Variants in TYR observed in about 807,000 individuals in gnomAD.
The protein encoded by TYR is tyrosinase.
A neutral mutation model predicts 51.5 loss-of-function variants in TYR; 58 were observed. The observed-to-expected ratio is 1.13, with a 90% CI of 0.91 to 1.40. The LOEUF is 1.40. Ranked by LOEUF, TYR falls within the 40% of genes most tolerant of loss-of-function variation. TYR has a pLI of 0.00. For synonymous variants in TYR, 263 were observed against 235.2 expected, an observed-to-expected ratio of 1.12 and a Z score of -1.08; for missense variants, 732 against 647.4, an observed-to-expected ratio of 1.13 and a Z score of -1.42.
chr11:89,228,097 G>A, intron 3 of TYR, 127 bp downstream of exon 3: 1 of 1,191,620 alleles, frequency 8.4e-7, no homozygotes, highest in Non-Finnish European at 1.2e-6. Flanking sequence ...TGATCAGGTT[G>A]TCACCAAAAC....
At chr11:89,257,387 G>T (rs1944406276) in intron 3 of TYR, among the ~76,000 whole-genome samples, 1 of 151,904 alleles carries the variant, frequency 6.6e-6, no homozygotes, top group African/African-American at 2.4e-5. Context: ...CTATCTTCAT[G>T]AAGAGGTAAC....
rs1565406929 is a variant in TYR at position 89,233,120 on chromosome 11, A to G, written c.1184+5150A>G. On this transcript the variant is annotated intron_variant, in intron 3 of 4. Coordinates refer to ENST00000263321, the MANE Select transcript of TYR (RefSeq NM_000372.5). ...CTGAAAGCCTGCTGCTGCTTTATCA[A>G]CTAGGTTTATCTGATATACTAAATA... Among the ~76,000 whole-genome samples, 3 of 143,868 alleles carry G rather than the reference A, an allele frequency of 2.1e-5. 1 individual carries two copies. 94.4% of individuals were successfully genotyped at this position (143,868 alleles called of 152,430 possible). A position where few individuals can be genotyped will look rare whatever the true frequency, so the allele number is the denominator to read the frequency against.
At position 89,178,158 on chromosome 11, in the gene TYR, T is replaced by C. The variant is rs768790960; in HGVS notation, c.205T>C (p.Phe69Leu). 1 of 1,614,206 alleles carries C rather than the reference T, an allele frequency of 6.2e-7. No homozygotes were observed. Among genetic ancestry groups the C allele is most frequent in the Non-Finnish European group, 8.5e-7 (1 of 1,180,036 alleles). ...GTCCAATGCACCACTTGGGCCTCAA[T>C]TTCCCTTCACAGGGGTGGATGACCG... is the stretch of plus-strand genomic sequence containing the variant. ...LLSNAPLGPQFPFTGVDDRES... is the reference protein window; with the variant it reads ...LLSNAPLGPQLPFTGVDDRES... Residue 69 changes from phenylalanine to leucine, a missense_variant, in exon 1 of 5, where the codon TTT becomes CTT. Phe to Leu is a conservative substitution (Grantham distance 22). Coordinates refer to ENST00000263321, the MANE Select transcript of TYR (RefSeq NM_000372.5).
intron 3 of TYR, among the ~76,000 whole-genome samples, chr11:89,242,201 T>C (rs1170976350): frequency 1.3e-5 from 2 of 152,100 alleles, no homozygotes; most frequent in African/African-American, 4.8e-5. Context: ...TTTTGGGTTA[T>C]CTTTGTTTGT....
At chr11:89,224,528 T>C (rs1943953299) in intron 2 of TYR, among the ~76,000 whole-genome samples, 1 of 152,138 alleles carries the variant, frequency 6.6e-6, no homozygotes, top group Non-Finnish European at 1.5e-5. Context: ...TTCTAAGGGG[T>C]ACATGGTGCA....
rs1944765423 is a variant in TYR at position 89,284,934 on chromosome 11, A to G, written c.1346A>G (p.Tyr449Cys). ...FISSKDLGYD[Y>C]SYLQDSDPDS... ...TCATCCAAAGATCTGGGCTATGACT[A>G]TAGCTATCTACAAGATTCAGGTAAA... The change falls in exon 4 of 5, where the codon TAT becomes TGT. Residue 449 changes from tyrosine (Y) to cysteine (C), a missense_variant. By Grantham distance (194) the Tyr-to-Cys change is radical. Transcript: ENST00000263321. 4 of 1,611,442 alleles carry G rather than the reference A, an allele frequency of 2.5e-6. No homozygotes were observed. Among genetic ancestry groups the G allele is most frequent in the Admixed American group, 1.7e-5 (1 of 59,780 alleles).
intron 3 of TYR, among the ~76,000 whole-genome samples, chr11:89,234,188 T>C (rs1340694561): frequency 7.0e-6 from 1 of 143,756 alleles, no homozygotes; most frequent in Non-Finnish European, 1.5e-5. Context: ...TTCTCTTTCC[T>C]TAAATCTTGT....
At chr11:89,292,304 C>G (rs1944860756) in intron 4 of TYR, among the ~76,000 whole-genome samples, 1 of 152,060 alleles carries the variant, frequency 6.6e-6, no homozygotes, top group East Asian at 1.9e-4. Flanking sequence ...ATACCAGATT[C>G]TAGAATTATA....
chr11:89,205,034 GA>G (rs1190505140), intron 2 of TYR, among the ~76,000 whole-genome samples: 1 of 151,682 alleles, frequency 6.6e-6, no homozygotes, highest in Non-Finnish European at 1.5e-5. Flanking sequence ...TGAAACAAAT[GA>G]AAAAAATAGA....
intron 2 of TYR, among the ~76,000 whole-genome samples, chr11:89,209,743 C>T (rs1943726431): frequency 6.6e-6 from 1 of 152,244 alleles, no homozygotes; most frequent in South Asian, 2.1e-4. Flanking sequence ...AGGTGCCCCT[C>T]TGGGACGAAG....
Position 89,227,124 on chromosome 11 carries a change from C to T in TYR, c.1037-699C>T, listed in dbSNP as rs190069823. On this transcript the variant is annotated intron_variant, in intron 2 of 4. Transcript: ENST00000263321. ...AATAGGGATAATAATTTCTAACCAA[C>T]AGAGTTACTGTAAAGATAGAAGAAC... 5.1e-4 allele frequency among the ~76,000 whole-genome samples: 77 copies of T among 152,220 alleles called. 2 individuals carry two copies. The highest frequency in any genetic ancestry group is 1.9e-3 in the African/African-American group (77 of 41,552).
chr11:89,245,186 A>G (rs956775162), intron 3 of TYR, among the ~76,000 whole-genome samples: 5 of 152,242 alleles, frequency 3.3e-5, no homozygotes, highest in African/African-American at 1.2e-4. Context: ...CAAAACAAAA[A>G]GGTGTAGAAA....
intron 3 of TYR, among the ~76,000 whole-genome samples, chr11:89,275,756 T>A (rs545028603): frequency 6.6e-6 from 1 of 151,754 alleles, no homozygotes; most frequent in Admixed American, 6.6e-5. Context: ...ACAGAAACAG[T>A]CAGATTGGTT....
intron 2 of TYR, among the ~76,000 whole-genome samples, chr11:89,193,335 A>T (rs1031457795): frequency 2.0e-5 from 3 of 152,142 alleles, no homozygotes; most frequent in African/African-American, 7.2e-5. Flanking sequence ...AAGTCAAAGA[A>T]AAAAAGTGGC....
At chr11:89,271,347 G>C (rs1944586602) in intron 3 of TYR, among the ~76,000 whole-genome samples, 2 of 151,772 alleles carry the variant, frequency 1.3e-5, no homozygotes, top group African/African-American at 4.8e-5. Context: ...TTCTAATAAA[G>C]TTAGTCACAT....
chr11:89,230,362 C>T (rs1944031563), intron 3 of TYR, among the ~76,000 whole-genome samples: 3 of 152,032 alleles, frequency 2.0e-5, no homozygotes, highest in Admixed American at 2.0e-4. Context: ...TATCTAACAC[C>T]ATATCCAAAA....
chr11:89,212,540 A>T (rs1591158454), intron 2 of TYR, among the ~76,000 whole-genome samples: 2 of 151,906 alleles, frequency 1.3e-5, no homozygotes, highest in Middle Eastern at 3.4e-3. Context: ...CCTTCTGAAA[A>T]TATTCCAATC....
intron 3 of TYR, among the ~76,000 whole-genome samples, chr11:89,240,279 T>G (rs922776318): frequency 6.6e-6 from 1 of 152,050 alleles, no homozygotes; most frequent in Non-Finnish European, 1.5e-5. Context: ...AAAATAAAAA[T>G]AAAACATAAA....
intron 1 of TYR, among the ~76,000 whole-genome samples, chr11:89,186,138 T>G (rs1486896968): frequency 6.6e-6 from 1 of 152,114 alleles, no homozygotes; most frequent in African/African-American, 2.4e-5. Context: ...CCAGAGAAAG[T>G]AGGCCATCTG....
Sources: gnomAD v4.1 joint callset for allele counts (sites outside exome capture counted in the v4.1 genomes callset) on GRCh38, gnomAD v4.1.1 for gene constraint, MANE v1.5 for transcripts, NCBI Gene and HGNC (gene_info 2026-07-23, HGNC 2026-07-21) for gene names.